The following FAM83G variants were observed in gnomAD, a reference collection of about 807,000 sequenced individuals.
The protein encoded by FAM83G is scaffolding CK1 anchoring protein G.
In FAM83G, 38 loss-of-function variants were observed where a neutral mutation model predicts 61.5. The observed-to-expected ratio is 0.62, with a 90% CI of 0.48 to 0.81. The LOEUF (loss-of-function observed/expected upper bound fraction) is 0.81. FAM83G is among the 30% of genes least tolerant of loss of function. The pLI is 0.00. For synonymous variants in FAM83G, 470 were observed against 476.1 expected, an observed-to-expected ratio of 0.99 and a Z score of 0.17; for missense variants, 989 against 1,133.6, an observed-to-expected ratio of 0.87 and a Z score of 1.83.
At chr17:18,979,211 G>A (rs936186328) in intron 4 of FAM83G, 16 of 465,636 alleles carry the variant, frequency 3.4e-5, no homozygotes, top group Middle Eastern at 5.9e-4. Flanking sequence ...CATGGGCAGC[G>A]CCCACCCCAT....
chr17:18,988,986 G>A (rs773520847), intron 2 of FAM83G, among the ~76,000 whole-genome samples: 10 of 152,222 alleles, frequency 6.6e-5, no homozygotes, highest in Non-Finnish European at 1.2e-4. Flanking sequence ...CATGCAGAAG[G>A]ACAGGATGAG....
At chr17:19,004,772 G>C (rs1207600952), upstream of FAM83G, 1 of 150,228 alleles carries the variant, frequency 6.7e-6, no homozygotes, top group Non-Finnish European at 1.5e-5. The surrounding 1 kb of genome is among the most constrained non-coding windows in gnomAD (Gnocchi z 5.4). Context: ...GAGGCTGGGC[G>C]GGGGCGCGCC....
rs141384248 is a variant in FAM83G, at chr17:18,984,894, C to T, written c.690+3353G>A. Reference sequence around the variant, plus strand: ...CTCCCACATGGAGGGCCACTGGGGCCGGCCAGGGCAACCGGCTGAGGTGCT... The same window carrying T: ...CTCCCACATGGAGGGCCACTGGGGCTGGCCAGGGCAACCGGCTGAGGTGCT... On this transcript the variant is annotated intron_variant, in intron 3 of 5. Transcript: ENST00000388995. Among the ~76,000 whole-genome samples the T allele has an allele frequency of 1.6e-3, 244 of 152,364 alleles. 2 individuals are homozygous for T. The highest frequency in any genetic ancestry group is 2.4e-3 in the Non-Finnish European group (165 of 68,038).
chr17:18,977,610 G>C lies in FAM83G; in HGVS notation c.2056C>G (p.Gln686Glu), dbSNP rs375307645. Residue 686 changes from glutamine to glutamate, a missense_variant, in exon 5 of 6, where the codon CAG (glutamine) becomes GAG (glutamate). Physicochemically the swap from Gln to Glu is conservative, Grantham distance 29. Transcript: ENST00000388995. The stretch of plus-strand genomic sequence containing the variant: ...TGTGCCTCCTTGTCTGTGGAGCGCT[G>C]GGCCTGCATCCTCTTCAACGCATCT... ...EADALKRMQAQRSTDKEAQGQ... is the reference protein window; with the variant it reads ...EADALKRMQAERSTDKEAQGQ... The C allele has an allele frequency of 1.9e-6, 3 of 1,609,180 alleles. No individual in the cohort carries two copies. In the African/African-American group the frequency reaches 4.0e-5, roughly 21 times the overall value.
At chr17:18,984,332 CAA>C (rs1176935676) in intron 3 of FAM83G, among the ~76,000 whole-genome samples, 1 of 68,004 alleles carries the variant, frequency 1.5e-5, no homozygotes, top group Non-Finnish European at 3.0e-5. Context: ...GACTCCCTCT[CAA>C]AAAAAAAAAA....
intron 3 of FAM83G, among the ~76,000 whole-genome samples, chr17:18,980,800 C>T (rs575830500): frequency 2.6e-4 from 39 of 152,270 alleles, no homozygotes; most frequent in African/African-American, 8.9e-4. Flanking sequence ...GTAAGAAATG[C>T]TCCTGGGTGC....
chr17:18,986,057 G>C (rs914535688), intron 3 of FAM83G: 2 of 152,318 alleles, frequency 1.3e-5, no homozygotes, highest in African/African-American at 4.8e-5. Flanking sequence ...GAGGCCCAGA[G>C]AGGTGGAACC....
At chr17:18,977,562 G>C in intron 5 of FAM83G, 22 bp downstream of exon 5, 2 of 1,599,336 alleles carry the variant, frequency 1.3e-6, no homozygotes, top group Non-Finnish European at 1.7e-6. Flanking sequence ...GTGACCCCTG[G>C]TGTGCAGGGA....
In FAM83G at chr17:18,997,854, T is replaced by A. The variant is rs73981278; in HGVS notation, c.522+5666A>T. On this transcript the variant is annotated intron_variant, in intron 2 of 5. Transcript: ENST00000388995. ...CTGGCATCTACCGATGCCAGCTCCA[T>A]GCCAGACACAGAGTGTTTTACACAC... Among the ~76,000 whole-genome samples, 3 of 151,984 alleles carry A rather than the reference T, an allele frequency of 2.0e-5. No individual in the cohort carries two copies. In the South Asian group the frequency reaches 6.2e-4, roughly 31 times the overall value.
At chr17:18,999,924 G>A (rs2043684895) in intron 2 of FAM83G, among the ~76,000 whole-genome samples, 1 of 152,222 alleles carries the variant, frequency 6.6e-6, no homozygotes, top group African/African-American at 2.4e-5. Flanking sequence ...ATCCTGCTAA[G>A]GCCCCCCTGC....
chr17:18,978,139 T>A lies in FAM83G; in HGVS notation c.1527A>T (p.Thr509=). Residue 509 remains threonine, a synonymous_variant, in exon 5 of 6, where the codon ACA becomes ACT. Coordinates refer to ENST00000388995, the MANE Select transcript of FAM83G (RefSeq NM_001039999.3). ...GGGCTAGTACATCTGCCACAGGGAC[T>A]GTCCGGGGCTTGGGCACGGGGGGCA... ...EPLPPVPKPR[T]VPVADVLARD... is the part of the protein sequence containing the mutation. 1 of 1,520,426 alleles carries A rather than the reference T, an allele frequency of 6.6e-7. No individual in the cohort carries two copies. The highest frequency in any genetic ancestry group is 8.8e-7 in the Non-Finnish European group (1 of 1,138,998). 94.2% of individuals were successfully genotyped at this position (1,520,426 alleles called of 1,614,324 possible).
chr17:18,973,906 T>TTTTTTC (rs1567787371), intron 5 of FAM83G, among the ~76,000 whole-genome samples: 1 of 143,084 alleles, frequency 7.0e-6, no homozygotes, highest in East Asian at 2.0e-4. Context: ...TTTTTTTTTT[T>TTTTTTC]CCCAGAGACA....
At chr17:18,993,209 G>A (rs983532005) in intron 2 of FAM83G, among the ~76,000 whole-genome samples, 17 of 152,042 alleles carry the variant, frequency 1.1e-4, no homozygotes, top group Non-Finnish European at 4.4e-5. Context: ...TCTCCCCGAC[G>A]CGTCCTGCCT....
rs755345347 is a variant in FAM83G, at chr17:18,977,555, AC to A, written c.2082+28del. On this transcript the variant is annotated intron_variant, in intron 5 of 5. Transcript: ENST00000388995. The stretch of plus-strand genomic sequence containing the variant: ...GGTGGCTGGCAGGGAGGGACTCGTG[AC>A]CCCTGGTGTGCAGGGACCCTGACCC... 34 of 1,588,496 alleles carry A rather than the reference AC, an allele frequency of 2.1e-5. No individual in the cohort carries two copies. In the African/African-American group the frequency reaches 4.3e-4, roughly 20 times the overall value.
intron 3 of FAM83G, among the ~76,000 whole-genome samples, chr17:18,981,913 G>A (rs2043144939): frequency 1.3e-5 from 2 of 152,200 alleles, no homozygotes; most frequent in African/African-American, 4.8e-5. Context: ...CCTGGAGGTG[G>A]TACGAGGCCT....
chr17:18,978,526 C>T lies in FAM83G; in HGVS notation c.1140G>A (p.Ala380=), dbSNP rs768651101. The T allele has an allele frequency of 6.2e-6, 10 of 1,613,358 alleles. No individual in the cohort carries two copies. The highest frequency in any genetic ancestry group is 4.5e-5 in the East Asian group (2 of 44,890). ...GGAGTTCCCCTGGATGCTCAGCCAGCGCTGGGCCTTTCAGCCCCAGGGGCT... is the reference window on the plus strand; with the variant it reads ...GGAGTTCCCCTGGATGCTCAGCCAGTGCTGGGCCTTTCAGCCCCAGGGGCT... The part of the protein sequence containing the change: ...AKKPLGLKGP[A]LAEHPGELPE... The change falls in exon 5 of 6, where the codon GCG becomes GCA. Residue 380 remains alanine (A), a synonymous_variant. Coordinates refer to ENST00000388995, the MANE Select transcript of FAM83G (RefSeq NM_001039999.3).
upstream of FAM83G, among the ~76,000 whole-genome samples, chr17:19,006,002 G>C (rs1597900702): frequency 6.6e-6 from 1 of 152,192 alleles, no homozygotes; most frequent in East Asian, 1.9e-4. Flanking sequence ...AGCCGCCTCA[G>C]CTTCTCCCTG....
intron 2 of FAM83G, among the ~76,000 whole-genome samples, chr17:18,991,068 C>T (rs928290988): frequency 5.9e-5 from 9 of 152,156 alleles, no homozygotes; most frequent in South Asian, 4.1e-4. Context: ...ACAAGCACAC[C>T]GGGAGGCAGT....
In FAM83G at chr17:18,977,760, G is replaced by C; in HGVS notation, c.1906C>G (p.Gln636Glu). The C allele has an allele frequency of 1.9e-6, 3 of 1,604,342 alleles. No individual in the cohort carries two copies. The highest frequency in any genetic ancestry group is 2.6e-6 in the Non-Finnish European group (3 of 1,175,514). Residue 636 changes from glutamine to glutamate, a missense_variant, in exon 5 of 6, where the codon CAA becomes GAA. This residue lies in a region of FAM83G where 574 missense variants were observed against 645.1 expected (regional missense o/e 0.89). Coordinates refer to ENST00000388995, the MANE Select transcript of FAM83G (RefSeq NM_001039999.3). ...SVPLRRRHSE[Q>E]VANGPTPPPR... Reference sequence around the variant, plus strand: ...GGTGGGGTTGGCCCGTTGGCCACTTGCTCTGAGTGGCGCCTCCGGAGAGGG... The same window carrying C: ...GGTGGGGTTGGCCCGTTGGCCACTTCCTCTGAGTGGCGCCTCCGGAGAGGG...
Sources: gnomAD v4.1 joint callset for allele counts (sites outside exome capture counted in the v4.1 genomes callset) on GRCh38, gnomAD v4.1.1 for gene constraint, gnomAD v4.1.1 regional missense constraint, Gnocchi (gnomAD v3.1) non-coding constraint, MANE v1.5 for transcripts, NCBI Gene and HGNC (gene_info 2026-07-23, HGNC 2026-07-21) for gene names.